The following KRIT1 variants were observed in gnomAD, a reference collection of about 807,000 sequenced individuals.
KRIT1 encodes the protein KRIT1 ankyrin repeat containing.
In KRIT1, 45 loss-of-function variants were observed where a neutral mutation model predicts 95.8. That is an observed-to-expected ratio of 0.47 (90% confidence interval 0.37 to 0.60). KRIT1 has a LOEUF of 0.60. Ranked by LOEUF, KRIT1 falls within the 20% of genes least tolerant of loss-of-function variation. The pLI, the probability that KRIT1 is intolerant of heterozygous loss-of-function variation, is 0.00. For missense variants in KRIT1, 788 were observed against 877.5 expected, an observed-to-expected ratio of 0.90 and a Z score of 1.29; for synonymous variants, 282 against 278.8, an observed-to-expected ratio of 1.01 and a Z score of -0.11.
At chr7:92,207,327 A>T (rs900131055) in intron 17 of KRIT1, among the ~76,000 whole-genome samples, 17 of 152,158 alleles carry the variant, frequency 1.1e-4, no homozygotes, top group Non-Finnish European at 2.9e-5. Flanking sequence ...AAGAAACTAC[A>T]GGCCAGAAGA....
intron 14 of KRIT1, among the ~76,000 whole-genome samples, chr7:92,216,151 C>T (rs1793936017): frequency 6.6e-6 from 1 of 151,238 alleles, no homozygotes; most frequent in Non-Finnish European, 1.5e-5. Context: ...ATGGTGTGAA[C>T]CCGGGAGGCG....
At chr7:92,211,964 G>A (rs1326985937) in intron 17 of KRIT1, among the ~76,000 whole-genome samples, 2 of 151,894 alleles carry the variant, frequency 1.3e-5, no homozygotes, top group African/African-American at 4.8e-5. Flanking sequence ...AAAAAGCCAG[G>A]CATGGTGTTA....
chr7:92,213,505 C>T (rs1018815288), intron 16 of KRIT1, 104 bp from the exon 17 acceptor site: 27 of 736,258 alleles, frequency 3.7e-5, no homozygotes, highest in African/African-American at 5.3e-5. Context: ...ATCAAGATTG[C>T]CCCTAAAGAA....
intron 3 of KRIT1, 59 bp from the exon 4 acceptor site, chr7:92,242,196 A>AT (rs1799823234): frequency 2.0e-6 from 2 of 983,866 alleles, no homozygotes; most frequent in South Asian, 2.7e-5. Flanking sequence ...TGATGGCAAG[A>AT]TAAAAAAAAG....
At chr7:92,207,218 C>T (rs1382355169) in intron 17 of KRIT1, among the ~76,000 whole-genome samples, 2 of 152,004 alleles carry the variant, frequency 1.3e-5, no homozygotes, top group Non-Finnish European at 2.9e-5. Flanking sequence ...GTCAAACTGT[C>T]AAAACTCAAA....
At chr7:92,205,647 G>C (rs1315813781) in intron 17 of KRIT1, 1 of 150,598 alleles carries the variant, frequency 6.6e-6, no homozygotes, top group Non-Finnish European at 1.5e-5. Flanking sequence ...AAAGCGGGAG[G>C]ACTGCTTGAA....
chr7:92,227,691 C>T (rs369157275), intron 10 of KRIT1, among the ~76,000 whole-genome samples: 2 of 151,562 alleles, frequency 1.3e-5, no homozygotes, highest in African/African-American at 2.4e-5. Context: ...TGCGCCACCA[C>T]GCCCAGCTAA....
chr7:92,214,107 T>A, intron 15 of KRIT1, 128 bp from the exon 16 acceptor site: 3 of 667,516 alleles, frequency 4.5e-6, no homozygotes, highest in South Asian at 3.3e-5. Context: ...CTGTAAAATA[T>A]CAGAGAACTC....
chr7:92,207,576 G>A (rs929988995), intron 17 of KRIT1, among the ~76,000 whole-genome samples: 7 of 152,196 alleles, frequency 4.6e-5, no homozygotes, highest in African/African-American at 1.4e-4. Flanking sequence ...GGATTTAACA[G>A]CCAGGTGCAG....
intron 10 of KRIT1, among the ~76,000 whole-genome samples, chr7:92,228,641 G>A (rs919650759): frequency 6.6e-6 from 1 of 152,040 alleles, no homozygotes; most frequent in Non-Finnish European, 1.5e-5. Context: ...TTGTTACATA[G>A]GTAAATTCTT....
At position 92,201,358 on chromosome 7, in the gene KRIT1, A is replaced by G. The variant is rs761789618; in HGVS notation, c.2091T>C (p.Phe697=). Residue 697 remains phenylalanine, a synonymous_variant, in exon 18 of 19, where the codon TTT becomes TTC. Transcript: ENST00000394505. The stretch of plus-strand genomic sequence containing the variant: ...TTTTATTTTCCATGCTATGGATCTG[A>G]AAACAAGTATCAGTATCTCCCAATT... ...MWQLGDTDTC[F]QIHSMENKMS... The G allele has an allele frequency of 6.3e-7, 1 of 1,599,936 alleles. No individual in the cohort carries two copies. Among genetic ancestry groups the G allele is most frequent in the Non-Finnish European group, 8.6e-7 (1 of 1,167,272 alleles).
chr7:92,214,251 T>C (rs1218593296), intron 15 of KRIT1, among the ~76,000 whole-genome samples: 1 of 152,150 alleles, frequency 6.6e-6, no homozygotes. Context: ...AAAACCTCAG[T>C]GTTTTCTCTC....
intron 3 of KRIT1, 22 bp from the exon 4 acceptor site, chr7:92,242,159 A>G: frequency 7.4e-7 from 1 of 1,343,268 alleles, no homozygotes; most frequent in Non-Finnish European, 1.1e-6. Flanking sequence ...AAATAAAAAA[A>G]TCCTTTGAAA....
intron 3 of KRIT1, among the ~76,000 whole-genome samples, chr7:92,243,018 C>T (rs2131794730): frequency 6.6e-6 from 1 of 152,260 alleles, no homozygotes; most frequent in African/African-American, 2.4e-5. Context: ...TGGAGTTTTA[C>T]CATGTTGGCC....
intron 10 of KRIT1, 84 bp downstream of exon 10, chr7:92,234,365 G>A (rs1444891289): frequency 9.3e-7 from 1 of 1,076,234 alleles, no homozygotes; most frequent in African/African-American, 1.6e-5. Flanking sequence ...TATTTGGAAT[G>A]AGAACAGTCT....
At chr7:92,225,648 C>G in intron 12 of KRIT1, 72 bp downstream of exon 12, 1 of 900,356 alleles carries the variant, frequency 1.1e-6, no homozygotes, top group Non-Finnish European at 1.8e-6. Flanking sequence ...CCACTCTTGC[C>G]ACAGATCCTC....
chr7:92,236,449 G>A lies in KRIT1; in HGVS notation c.449C>T (p.Ala150Val). The change falls in exon 7 of 19, where the codon GCT becomes GTT. Residue 150 changes from alanine to valine, a missense_variant. Around this residue, in one of 3 missense-constraint regions of KRIT1, gnomAD observed 289 missense variants for 277.5 expected, o/e 1.04. Transcript: ENST00000394505. ...RVCSESSTHF[A>V]TLTARMLIAL... ...TATTAACATCCTTGCTGTAAGTGTA[G>A]CAAAATGAGTACTGGATTCACTACA... 3 of 1,605,834 alleles carry A rather than the reference G, an allele frequency of 1.9e-6. No individual in the cohort carries two copies. The highest frequency in any genetic ancestry group is 1.7e-6 in the Non-Finnish European group (2 of 1,172,866).
intron 5 of KRIT1, among the ~76,000 whole-genome samples, chr7:92,239,909 C>T (rs1382812107): frequency 6.6e-6 from 1 of 151,944 alleles, no homozygotes; most frequent in Non-Finnish European, 1.5e-5. Context: ...TGGGGTTTCA[C>T]CATATTGGCC....
At chr7:92,215,535 A>T (rs955638178) in intron 14 of KRIT1, among the ~76,000 whole-genome samples, 7 of 152,196 alleles carry the variant, frequency 4.6e-5, no homozygotes, top group Non-Finnish European at 7.4e-5. Context: ...AGTGGCATGA[A>T]CATGGCCCAC....
Sources: allele counts gnomAD v4.1 joint callset (sites outside exome capture counted in the v4.1 genomes callset), GRCh38; gene constraint gnomAD v4.1.1; regional missense constraint gnomAD v4.1.1; transcripts MANE v1.5; gene names NCBI Gene and HGNC (gene_info 2026-07-23, HGNC 2026-07-21).